The following ROS1 variants were observed in gnomAD, a reference collection of about 807,000 sequenced individuals.
The protein encoded by ROS1 is proto-oncogene tyrosine-protein kinase ROS.
In ROS1, 263 loss-of-function variants were observed where a neutral mutation model predicts 273.5. The ratio of observed to expected loss-of-function variants is 0.96; its 90% CI spans 0.87 to 1.06. The LOEUF is 1.06. Among genes scored for constraint, ROS1 ranks in the 50% least tolerant of loss-of-function variants. The probability of loss-of-function intolerance (pLI) is 0.00; values close to 1 mark genes in which losing one functional copy is unlikely to be tolerated. For missense variants in ROS1, 2,833 were observed against 2,751.1 expected (o/e 1.03, Z -0.67); for synonymous variants, 1,008 against 954.1 (o/e 1.06, Z -1.04).
At chr6:117,357,279 A>G (rs1476775214) in intron 25 of ROS1, among the ~76,000 whole-genome samples, 1 of 152,212 alleles carries the variant, frequency 6.6e-6, no homozygotes, top group African/African-American at 2.4e-5. Context: ...TCTTAATACT[A>G]GTTAATGATC....
intron 13 of ROS1, among the ~76,000 whole-genome samples, chr6:117,389,083 A>G (rs941115266): frequency 6.6e-6 from 1 of 152,252 alleles, no homozygotes; most frequent in Admixed American, 6.5e-5. Context: ...TTCTGACTAG[A>G]ATGTCAATGC....
chr6:117,347,298 CTAAG>C (rs1778459078), intron 27 of ROS1, among the ~76,000 whole-genome samples: 1 of 151,758 alleles, frequency 6.6e-6, no homozygotes, highest in Non-Finnish European at 1.5e-5. Context: ...AGATTTATAC[CTAAG>C]TATTTCATTT....
At chr6:117,393,139 T>C in intron 12 of ROS1, 85 bp downstream of exon 12, 1 of 843,336 alleles carries the variant, frequency 1.2e-6, no homozygotes, top group Non-Finnish European at 2.0e-6. Context: ...CATCTGGTAC[T>C]ACAATGTTTC....
intron 18 of ROS1, among the ~76,000 whole-genome samples, chr6:117,372,845 T>C (rs932188131): frequency 6.6e-5 from 10 of 152,314 alleles, no homozygotes; most frequent in African/African-American, 2.2e-4. Flanking sequence ...AAAGGATCCA[T>C]TCGGGTTGCC....
chr6:117,323,737 G>A (rs913405518), intron 35 of ROS1, among the ~76,000 whole-genome samples: 3 of 151,998 alleles, frequency 2.0e-5, no homozygotes, highest in Non-Finnish European at 4.4e-5. Flanking sequence ...AAAAAAAATA[G>A]CTTTCTATCT....
rs1000655564 is a variant in ROS1, at chr6:117,365,802, G to A, written c.2798-61C>T. On this transcript the variant is annotated intron_variant, in intron 19 of 43. Transcript: ENST00000368507. ...AAAATGGGGATTATTGACCAATATA[G>A]AAATCATAGAAAATCAATAGCAATT... The A allele has an allele frequency of 8.6e-6, 11 of 1,284,196 alleles. No homozygotes were observed. In the Admixed American group the frequency reaches 2.9e-4, roughly 34 times the overall value. The allele number at this position is 1,284,196 out of a possible 1,614,324, so 79.6% of individuals were successfully genotyped here. A position where few individuals can be genotyped will look rare whatever the true frequency, so the allele number is the denominator to read the frequency against.
chr6:117,381,980 T>A (rs1772193094), intron 17 of ROS1, among the ~76,000 whole-genome samples: 1 of 152,154 alleles, frequency 6.6e-6, no homozygotes, highest in Non-Finnish European at 1.5e-5. Flanking sequence ...ACACCAGAGC[T>A]TTATCCTGGC....
At position 117,394,683 on chromosome 6, in the gene ROS1, T is replaced by G; in HGVS notation, c.939A>C (p.Arg313Ser). 6.2e-7 allele frequency: 1 copy of G among 1,612,210 alleles called. No individual in the cohort carries two copies. Among genetic ancestry groups the G allele is most frequent in the Non-Finnish European group, 8.5e-7 (1 of 1,178,794 alleles). ...FLSRKTSLRK[R>S]SLKHLVDEAH... The stretch of plus-strand genomic sequence containing the variant: ...CTTCATCTACTAAATGTTTTAAAGA[T>G]CTCTTTCTTAGAGAAGTTTTTCTGG... Residue 313 changes from arginine (R) to serine (S), a missense_variant, in exon 10 of 44, where the codon AGA becomes AGC. Arg to Ser is a moderately radical substitution (Grantham distance 110, BLOSUM62 -1). Coordinates refer to ENST00000368507, the MANE Select transcript of ROS1 (RefSeq NM_001378902.1).
At chr6:117,385,962 A>G in intron 15 of ROS1, 101 bp from the exon 16 acceptor site, 1 of 824,820 alleles carries the variant, frequency 1.2e-6, no homozygotes, top group Non-Finnish European at 2.0e-6. Context: ...ATTTTAAACA[A>G]CACACTGACA....
chr6:117,366,158 A>T lies in ROS1; in HGVS notation c.2715T>A (p.Gly905=), dbSNP rs752133809. 40 of 1,614,076 alleles carry T rather than the reference A, an allele frequency of 2.5e-5. 1 individual carries two copies. In the South Asian group the frequency reaches 4.0e-4, roughly 16 times the overall value. Residue 905 remains glycine (G), a synonymous_variant, in exon 19 of 44, where the codon GGT becomes GGA. Coordinates refer to ENST00000368507, the MANE Select transcript of ROS1 (RefSeq NM_001378902.1). ...CCAAAACAGAGACACTGGTTTTCTG[A>T]CCTATTTCTTGAGTTGTGATAATCC... ...GFRIITTQEI[G]QKTSVSVLEP...
chr6:117,421,929 C>G (rs912015514), intron 1 of ROS1, among the ~76,000 whole-genome samples: 1 of 152,148 alleles, frequency 6.6e-6, no homozygotes, highest in African/African-American at 2.4e-5. Flanking sequence ...TTCAAGATTA[C>G]AGAAACAGTC....
intron 32 of ROS1, among the ~76,000 whole-genome samples, chr6:117,336,456 G>C (rs994683129): frequency 6.6e-6 from 1 of 152,086 alleles, no homozygotes; most frequent in Non-Finnish European, 1.5e-5. Context: ...GTTTGCTGAG[G>C]TTAATAGCTT....
At chr6:117,338,306 C>G (rs992870739) in intron 31 of ROS1, among the ~76,000 whole-genome samples, 3 of 151,778 alleles carry the variant, frequency 2.0e-5, no homozygotes, top group African/African-American at 4.8e-5. Flanking sequence ...GAATGATTCT[C>G]TATAGCATTT....
Position 117,357,845 on chromosome 6 carries a change from C to T in ROS1, c.3798G>A (p.Arg1266=). 4.3e-6 allele frequency: 7 copies of T among 1,612,908 alleles called. No individual in the cohort carries two copies. Among genetic ancestry groups the T allele is most frequent in the Non-Finnish European group, 5.9e-6 (7 of 1,179,298 alleles). The change falls in exon 25 of 44, where the codon AGG becomes AGA. Residue 1266 remains arginine (R), a synonymous_variant. Transcript: ENST00000368507. ...CAGAAAAAGAAATTATTGTTGAATT[C>T]CTATTGTGAATCTTCACCTCTCTGG... is the stretch of plus-strand genomic sequence containing the variant. ...KYPREVKIHN[R]NSTIISFSVY...
At position 117,394,632 on chromosome 6, in the gene ROS1, T is replaced by C. The variant is rs781352657; in HGVS notation, c.990A>G (p.Ile330Met). The change falls in exon 10 of 44, where the codon ATA becomes ATG. Residue 330 changes from isoleucine to methionine, a missense_variant. By Grantham distance (10) the Ile-to-Met change is conservative. Transcript: ENST00000368507. ...DEAHCLRLDA[I>M]YHNITGISVD... ...CATACTGACCTGTAATATTATGGTATATAGCATCCAACCGAAGGCAATGTG... is the reference window on the plus strand; with the variant it reads ...CATACTGACCTGTAATATTATGGTACATAGCATCCAACCGAAGGCAATGTG... 5 of 1,610,698 alleles carry C rather than the reference T, an allele frequency of 3.1e-6. No homozygotes were observed. Among genetic ancestry groups the C allele is most frequent in the African/African-American group, 1.3e-5 (1 of 74,840 alleles).
chr6:117,333,304 A>G (rs192046009), intron 32 of ROS1, among the ~76,000 whole-genome samples: 1 of 152,330 alleles, frequency 6.6e-6, no homozygotes, highest in African/African-American at 2.4e-5. Flanking sequence ...GAAGAAGTTG[A>G]ATCCCTGACT....
In ROS1 at chr6:117,366,343, G is replaced by C. The variant is rs760256808; in HGVS notation, c.2583-53C>G. 2.6e-4 allele frequency: 339 copies of C among 1,313,362 alleles called. 1 individual carries two copies. The highest frequency in any genetic ancestry group is 3.5e-4 in the Non-Finnish European group (321 of 907,570). The allele number at this position is 1,313,362 out of a possible 1,614,324, so 81.4% of individuals were successfully genotyped here. On this transcript the variant is annotated intron_variant, in intron 18 of 43. Coordinates refer to ENST00000368507, the MANE Select transcript of ROS1 (RefSeq NM_001378902.1). ...GTGTTTCTGGAGTGGTGGAAGGGCT[G>C]GTCCATGCAAGTAGTCATGAGAATA...
At chr6:117,307,755 T>G (rs111268298) in intron 42 of ROS1, among the ~76,000 whole-genome samples, 2,583 of 152,242 alleles carry the variant, frequency 0.017, 23 homozygotes, top group Non-Finnish European at 0.025. Context: ...GTAGAACATC[T>G]AACCAAGGTG....
chr6:117,407,518 T>A (rs1774512393), intron 5 of ROS1, among the ~76,000 whole-genome samples: 1 of 152,136 alleles, frequency 6.6e-6, no homozygotes, highest in Non-Finnish European at 1.5e-5. Context: ...TTTTACAAAT[T>A]TCTAGAGCCT....
Sources: gnomAD v4.1 joint callset for allele counts (sites outside exome capture counted in the v4.1 genomes callset) on GRCh38, gnomAD v4.1.1 for gene constraint, MANE v1.5 for transcripts, NCBI Gene and HGNC (gene_info 2026-07-23, HGNC 2026-07-21) for gene names.